Variants in UCHL5 observed in about 807,000 individuals in gnomAD.
UCHL5 encodes the protein ubiquitin C-terminal hydrolase L5, also known as ubiquitin carboxyl-terminal hydrolase isozyme L5.
UCHL5 carries 34 observed loss-of-function variants against 53.8 expected under a neutral mutation model. That is an observed-to-expected ratio of 0.63 (90% confidence interval 0.48 to 0.84). The LOEUF is 0.84. Among genes scored for constraint, UCHL5 ranks in the 40% least tolerant of loss-of-function variants. The pLI is 0.00. For missense variants in UCHL5, 290 were observed against 385.6 expected, an observed-to-expected ratio of 0.75 and a Z score of 2.08; for synonymous variants, 111 against 126.3, an observed-to-expected ratio of 0.88 and a Z score of 0.81.
intron 3 of UCHL5, among the ~76,000 whole-genome samples, chr1:193,040,521 A>C (rs960981728): frequency 1.3e-5 from 2 of 152,224 alleles, no homozygotes; most frequent in Admixed American, 1.3e-4. Context: ...GAGAAAGGGG[A>C]ACCCTCATAA....
chr1:193,032,585 C>T (rs569517798), intron 3 of UCHL5, among the ~76,000 whole-genome samples: 12 of 152,118 alleles, frequency 7.9e-5, no homozygotes, highest in Non-Finnish European at 1.8e-4. Context: ...TCAGAGTGAA[C>T]GGGCAACCTA....
At position 193,012,547 on chromosome 1, in the gene UCHL5, CTGCCTATA is replaced by C. The variant is rs1282362941; in HGVS notation, c.*3796_*3803del. 1 of 152,174 alleles carries C rather than the reference CTGCCTATA, an allele frequency of 6.6e-6. No homozygotes were observed. Among genetic ancestry groups the C allele is most frequent in the Non-Finnish European group, 1.5e-5 (1 of 68,036 alleles). The allele number at this position is 152,174 out of a possible 1,614,324, so 9.4% of individuals were successfully genotyped here. A position where few individuals can be genotyped will look rare whatever the true frequency, so the allele number is the denominator to read the frequency against. On this transcript the variant is annotated 3_prime_UTR_variant, in exon 11 of 11. Transcript: ENST00000367454. ...GTGTTAGTTCAGTACTAGAGAAGTT[CTGCCTATA>C]TGCCTATATGCAATCCACTTGTACA...
At chr1:193,038,620 G>A (rs185372644) in intron 3 of UCHL5, among the ~76,000 whole-genome samples, 2 of 152,256 alleles carry the variant, frequency 1.3e-5, no homozygotes, top group East Asian at 3.9e-4. Flanking sequence ...AATAAAATTA[G>A]CACTGTTCAT....
At chr1:193,038,932 G>A (rs1459984230) in intron 3 of UCHL5, among the ~76,000 whole-genome samples, 1 of 151,998 alleles carries the variant, frequency 6.6e-6, no homozygotes, top group Non-Finnish European at 1.5e-5. Context: ...GGAGCACAAG[G>A]TTATAGTGAG....
chr1:193,047,764 A>G (rs1667810582), intron 3 of UCHL5, among the ~76,000 whole-genome samples: 1 of 152,166 alleles, frequency 6.6e-6, no homozygotes, highest in East Asian at 1.9e-4. Context: ...TTGTAATTCT[A>G]AGACAGTTTT....
At chr1:193,038,543 TG>T (rs1664444115) in intron 3 of UCHL5, among the ~76,000 whole-genome samples, 1 of 151,668 alleles carries the variant, frequency 6.6e-6, no homozygotes, top group African/African-American at 2.4e-5. Flanking sequence ...AACGTAATAT[TG>T]CAAGTCCTGC....
intron 7 of UCHL5, among the ~76,000 whole-genome samples, chr1:193,025,070 G>GT (rs1658659567): frequency 1.3e-5 from 2 of 152,014 alleles, no homozygotes; most frequent in African/African-American, 2.4e-5. Context: ...ATTTCCTGAG[G>GT]TTTTTTTCTG....
At chr1:193,056,823 T>A (rs1408965151) in intron 1 of UCHL5, among the ~76,000 whole-genome samples, 1 of 152,236 alleles carries the variant, frequency 6.6e-6, no homozygotes, top group Non-Finnish European at 1.5e-5. Context: ...ATAATTGGAA[T>A]AAACTGATTT....
At chr1:193,023,205 A>C (rs979895890) in intron 8 of UCHL5, among the ~76,000 whole-genome samples, 169 bp from the exon 9 acceptor site, 2 of 152,170 alleles carry the variant, frequency 1.3e-5, no homozygotes, top group Non-Finnish European at 2.9e-5. Context: ...CCAAAATAGT[A>C]CCTTCCATAT....
chr1:193,017,788 T>C (rs1460445056), intron 10 of UCHL5, among the ~76,000 whole-genome samples: 1 of 151,470 alleles, frequency 6.6e-6, no homozygotes, highest in East Asian at 1.9e-4. Flanking sequence ...TGAGCACTAA[T>C]TTATACACTT....
At chr1:193,038,749 A>G (rs1258471786) in intron 3 of UCHL5, among the ~76,000 whole-genome samples, 1 of 151,916 alleles carries the variant, frequency 6.6e-6, no homozygotes, top group African/African-American at 2.4e-5. Context: ...TAATCTCAGC[A>G]CTTTGGGAGG....
At chr1:193,022,831 T>C (rs1055088813) in intron 9 of UCHL5, 95 bp downstream of exon 9, 4 of 782,420 alleles carry the variant, frequency 5.1e-6, no homozygotes, top group Admixed American at 2.2e-5. Flanking sequence ...TGGTAAATGA[T>C]AGGAGGGAAA....
At chr1:193,049,659 T>C in intron 3 of UCHL5, 87 bp downstream of exon 3, 1 of 1,039,372 alleles carries the variant, frequency 9.6e-7, no homozygotes, top group South Asian at 1.9e-5. Flanking sequence ...TGAGGACTAC[T>C]ACACTAGTAG....
At chr1:193,043,679 T>C (rs1666458581) in intron 3 of UCHL5, among the ~76,000 whole-genome samples, 1 of 152,158 alleles carries the variant, frequency 6.6e-6, no homozygotes, top group South Asian at 2.1e-4. Flanking sequence ...CAACCTCCTG[T>C]GGGGCTGGAG....
At chr1:193,027,011 A>C (rs1659514954) in intron 7 of UCHL5, among the ~76,000 whole-genome samples, 1 of 152,224 alleles carries the variant, frequency 6.6e-6, no homozygotes, top group Admixed American at 6.5e-5. Context: ...ACATATTGTA[A>C]AATTCATATA....
At chr1:193,022,603 T>G (rs577630916) in intron 9 of UCHL5, among the ~76,000 whole-genome samples, 13 of 150,228 alleles carry the variant, frequency 8.7e-5, no homozygotes, top group African/African-American at 3.2e-4. Flanking sequence ...AAGGTGGAGG[T>G]TGCAGTGAGC....
intron 1 of UCHL5, among the ~76,000 whole-genome samples, chr1:193,053,933 T>G (rs184670406): frequency 6.6e-6 from 1 of 150,618 alleles, no homozygotes; most frequent in Non-Finnish European, 1.5e-5. Flanking sequence ...AAAAACTGTA[T>G]AGAATGTATA....
At chr1:193,048,177 G>C (rs72740203) in intron 3 of UCHL5, among the ~76,000 whole-genome samples, 4,937 of 152,168 alleles carry the variant, frequency 0.032, 122 homozygotes, top group Non-Finnish European at 0.052. Flanking sequence ...GACAAATGTG[G>C]TTTTCCAGAC....
At chr1:193,051,962 CT>C in intron 1 of UCHL5, 145 bp from the exon 2 acceptor site, 1 of 576,486 alleles carries the variant, frequency 1.7e-6, no homozygotes, top group Non-Finnish European at 3.1e-6. Context: ...TCTCATTACT[CT>C]CTTTAATATA....
Sources: allele counts gnomAD v4.1 joint callset (sites outside exome capture counted in the v4.1 genomes callset), GRCh38; gene constraint gnomAD v4.1.1; transcripts MANE v1.5; gene names NCBI Gene and HGNC (gene_info 2026-07-23, HGNC 2026-07-21).